Variants in FCER1A observed in about 807,000 individuals in gnomAD.
FCER1A encodes the protein high affinity immunoglobulin epsilon receptor subunit alpha.
Under a neutral mutation model 23.6 loss-of-function variants are expected in FCER1A, and 24 were observed. The observed-to-expected ratio is 1.02, with a 90% CI of 0.74 to 1.43. FCER1A has a LOEUF of 1.43. FCER1A is among the 40% of genes most tolerant of loss of function. The probability of loss-of-function intolerance (pLI) is 0.00; values close to 1 mark genes in which losing one functional copy is unlikely to be tolerated. For synonymous variants in FCER1A, 121 were observed against 108.8 expected, an observed-to-expected ratio of 1.11 and a Z score of -0.70; for missense variants, 318 against 294.5, an observed-to-expected ratio of 1.08 and a Z score of -0.58.
chr1:159,307,981 G>A lies in FCER1A; in HGVS notation c.*49G>A. 2 of 1,386,358 alleles carry A rather than the reference G, an allele frequency of 1.4e-6. No homozygotes were observed. The highest frequency in any genetic ancestry group is 2.0e-6 in the Non-Finnish European group (2 of 997,842). The allele number at this position is 1,386,358 out of a possible 1,614,324, so 85.9% of individuals were successfully genotyped here. Reference sequence around the variant, plus strand: ...CAACATTAGTTTTTTTCCAGCATCAGCAATTGCTACTCAATTGTCAAACAC... The same window carrying A: ...CAACATTAGTTTTTTTCCAGCATCAACAATTGCTACTCAATTGTCAAACAC... On this transcript the variant is annotated 3_prime_UTR_variant, in exon 5 of 5. Transcript: ENST00000693622.
chr1:159,308,090 TGTAATA>T lies in FCER1A; in HGVS notation c.*163_*168del. 1 of 511,102 alleles carries T rather than the reference TGTAATA, an allele frequency of 2.0e-6. No homozygotes were observed. The highest frequency in any genetic ancestry group is 3.4e-6 in the Non-Finnish European group (1 of 289,886). The allele number at this position is 511,102 out of a possible 1,614,324, so 31.7% of individuals were successfully genotyped here. On this transcript the variant is annotated 3_prime_UTR_variant, in exon 5 of 5. Transcript: ENST00000693622. ...ACTGAGTGAAACTGGTTAAGTGGCATGTAATAGTAAGTGCTCAATTAACATTGGTTG... is the reference window on the plus strand; with the variant it reads ...ACTGAGTGAAACTGGTTAAGTGGCATGTAAGTGCTCAATTAACATTGGTTG...
At position 159,306,264 on chromosome 1, in the gene FCER1A, G is replaced by A. The variant is rs1652611817; in HGVS notation, c.589+19G>A. On this transcript the variant is annotated intron_variant, in intron 4 of 4. Transcript: ENST00000693622. The stretch of plus-strand genomic sequence containing the variant: ...ATAAAAGGTGAGTTGGTAAAGGAAA[G>A]GAAAAGCATCCATAGCAGGGGAAGG... The A allele has an allele frequency of 6.2e-7, 1 of 1,609,790 alleles. No individual in the cohort carries two copies. The highest frequency in any genetic ancestry group is 1.1e-5 in the South Asian group (1 of 90,776).
intron 1 of FCER1A, 147 bp downstream of exon 1, chr1:159,302,566 A>G: frequency 1.4e-6 from 1 of 725,620 alleles, no homozygotes; most frequent in Non-Finnish European, 2.5e-6. Flanking sequence ...AGTGGAGCCA[A>G]GCTAGAAAGC....
upstream of FCER1A, among the ~76,000 whole-genome samples, chr1:159,288,691 T>G (rs1276143833): frequency 6.6e-6 from 1 of 152,218 alleles, no homozygotes; most frequent in Non-Finnish European, 1.5e-5. Flanking sequence ...TCTCTCTGTG[T>G]TACTACCTGG....
At chr1:159,302,830 T>C (rs1156559650) in intron 1 of FCER1A, 24 bp from the exon 2 acceptor site, 1 of 1,609,794 alleles carries the variant, frequency 6.2e-7, no homozygotes, top group Admixed American at 1.7e-5. Context: ...TGGACACTAA[T>C]GTATCCTCTC....
At chr1:159,290,824 T>G (rs912473038) in intron 1 of FCER1A, among the ~76,000 whole-genome samples, 3 of 152,026 alleles carry the variant, frequency 2.0e-5, no homozygotes, top group Non-Finnish European at 4.4e-5. Flanking sequence ...TTCTTCCTGC[T>G]TATGGAAATC....
In FCER1A at chr1:159,307,979, C is replaced by CAGCAATTGAGT; in HGVS notation, c.*55_*56insAGTAGCAATTG. 1.4e-6 allele frequency: 2 copies of CAGCAATTGAGT among 1,401,414 alleles called. No homozygotes were observed. The highest frequency in any genetic ancestry group is 2.0e-6 in the Non-Finnish European group (2 of 1,009,186). The allele number at this position is 1,401,414 out of a possible 1,614,324, so 86.8% of individuals were successfully genotyped here. A position where few individuals can be genotyped will look rare whatever the true frequency, so the allele number is the denominator to read the frequency against. On this transcript the variant is annotated 3_prime_UTR_variant, in exon 5 of 5. Transcript: ENST00000693622. ...TGCAACATTAGTTTTTTTCCAGCAT[C>CAGCAATTGAGT]AGCAATTGCTACTCAATTGTCAAAC...
In FCER1A at chr1:159,307,920, C is replaced by G. The variant is rs1652665604; in HGVS notation, c.762C>G (p.Pro254=). The G allele has an allele frequency of 6.3e-7, 1 of 1,589,938 alleles. No individual in the cohort carries two copies. The highest frequency in any genetic ancestry group is 1.7e-5 in the Admixed American group (1 of 58,146). The change falls in exon 5 of 5, where the codon CCC becomes CCG. Residue 254 remains proline (P), a synonymous_variant. Transcript: ENST00000693622. The part of the protein sequence containing the change: ...RLLNPHPKPN[P]KNN The stretch of plus-strand genomic sequence containing the variant: ...TGAACCCACATCCTAAGCCAAACCC[C>G]AAAAACAACTGATATAATTACTCAA...
chr1:159,297,015 G>A (rs1055653852), intron 1 of FCER1A, among the ~76,000 whole-genome samples: 1 of 152,104 alleles, frequency 6.6e-6, no homozygotes, highest in African/African-American at 2.4e-5. Flanking sequence ...CCTGGTCTGG[G>A]CTAAGATCTC....
chr1:159,296,932 C>T (rs6672024), intron 1 of FCER1A, among the ~76,000 whole-genome samples: 7,100 of 152,176 alleles, frequency 0.047, 591 homozygotes, highest in African/African-American at 0.16. Context: ...TAGAAACACA[C>T]GGGTCACAGA....
upstream of FCER1A, among the ~76,000 whole-genome samples, chr1:159,286,579 G>C (rs1007401328): frequency 1.3e-5 from 2 of 152,118 alleles, no homozygotes; most frequent in Non-Finnish European, 2.9e-5. Context: ...TGATCCGCCC[G>C]CCTTGGCCTC....
chr1:159,293,168 CTGTGTGTGTGTG>C (rs10632832), intron 1 of FCER1A, among the ~76,000 whole-genome samples: 6 of 145,916 alleles, frequency 4.1e-5, no homozygotes, highest in African/African-American at 1.3e-4. Context: ...TACATACACA[CTGTGTGTGTGTG>C]TGTGTGTGTG....
At chr1:159,292,816 A>T (rs1328435796) in intron 1 of FCER1A, among the ~76,000 whole-genome samples, 1 of 152,108 alleles carries the variant, frequency 6.6e-6, no homozygotes, top group African/African-American at 2.4e-5. Flanking sequence ...TGAATGGATT[A>T]ACCTAATTAT....
At chr1:159,298,446 A>T (rs1250843894), upstream of FCER1A, among the ~76,000 whole-genome samples, 2 of 151,420 alleles carry the variant, frequency 1.3e-5, no homozygotes, top group East Asian at 3.9e-4. Flanking sequence ...CTCCCTTTTC[A>T]CTCTCTTCTT....
chr1:159,285,407 T>C (rs1251197254), upstream of FCER1A, among the ~76,000 whole-genome samples: 3 of 152,126 alleles, frequency 2.0e-5, no homozygotes, highest in East Asian at 1.9e-4. Context: ...TTTTTATAAA[T>C]TGGAAATTAG....
intron 1 of FCER1A, among the ~76,000 whole-genome samples, chr1:159,296,909 C>T (rs1193568806): frequency 6.6e-6 from 1 of 152,174 alleles, no homozygotes; most frequent in Admixed American, 6.5e-5. Context: ...CACTCATACC[C>T]TCTTTCACGC....
upstream of FCER1A, among the ~76,000 whole-genome samples, chr1:159,298,260 C>T (rs896875801): frequency 5.3e-5 from 8 of 151,918 alleles, no homozygotes; most frequent in African/African-American, 9.7e-5. Context: ...CTCAGTGATA[C>T]GCCTTGGATG....
At chr1:159,297,471 A>G (rs1652321478), upstream of FCER1A, among the ~76,000 whole-genome samples, 1 of 152,202 alleles carries the variant, frequency 6.6e-6, no homozygotes, top group African/African-American at 2.4e-5. Context: ...TATAGTATTC[A>G]TGAAAACTAG....
At chr1:159,286,705 G>C (rs2102211052), upstream of FCER1A, among the ~76,000 whole-genome samples, 1 of 152,278 alleles carries the variant, frequency 6.6e-6, no homozygotes, top group Non-Finnish European at 1.5e-5. Context: ...TTAGTCAATG[G>C]AATTATTTTA....
Sources: allele counts gnomAD v4.1 joint callset (sites outside exome capture counted in the v4.1 genomes callset), GRCh38; gene constraint gnomAD v4.1.1; transcripts MANE v1.5; gene names NCBI Gene and HGNC (gene_info 2026-07-23, HGNC 2026-07-21).